The following CHRM3 variants were observed in gnomAD, a reference collection of about 807,000 sequenced individuals.
CHRM3 encodes the protein cholinergic receptor muscarinic 3.
In CHRM3, 11 loss-of-function variants were observed where a neutral mutation model predicts 41.8. The observed-to-expected ratio is 0.26, with a 90% CI of 0.17 to 0.44. The LOEUF is 0.44. Among genes scored for constraint, CHRM3 ranks in the 20% least tolerant of loss-of-function variants. The pLI is 1.00. For synonymous variants in CHRM3, 297 were observed against 301.4 expected (o/e 0.99, Z 0.15); for missense variants, 571 against 745.4 (o/e 0.77, Z 2.72).
intron 5 of CHRM3, among the ~76,000 whole-genome samples, chr1:239,711,835 C>T (rs779534973): frequency 9.2e-5 from 14 of 151,958 alleles, no homozygotes; most frequent in South Asian, 4.2e-4. Context: ...ACTGCAGGCA[C>T]GCACCACCAT....
chr1:239,914,255 A>G lies in CHRM3; in HGVS notation c.*5031A>G, dbSNP rs1481493853. ...ATTCTGTGAGTTCCTTGATGATAGTAATTGGGTCTTATTCATCACTCTGTA... is the reference window on the plus strand; with the variant it reads ...ATTCTGTGAGTTCCTTGATGATAGTGATTGGGTCTTATTCATCACTCTGTA... On this transcript the variant is annotated 3_prime_UTR_variant, in exon 7 of 7. Transcript: ENST00000676153. 10 of 167,068 alleles carry G rather than the reference A, an allele frequency of 6.0e-5. No homozygotes were observed. The allele number at this position is 167,068 out of a possible 1,614,324, so 10.3% of individuals were successfully genotyped here.
intron 2 of CHRM3, among the ~76,000 whole-genome samples, chr1:239,543,571 G>T (rs921421086): frequency 4.6e-5 from 7 of 151,134 alleles, no homozygotes; most frequent in African/African-American, 1.7e-4. Context: ...GCAGTGGTGC[G>T]ATCTCAGCTC....
intron 1 of CHRM3, among the ~76,000 whole-genome samples, chr1:239,477,193 G>T (rs1230551675): frequency 6.6e-6 from 1 of 152,180 alleles, no homozygotes; most frequent in African/African-American, 2.4e-5. Context: ...CTTTTTAGCT[G>T]TATGAAGTGA....
At chr1:239,469,649 C>T (rs559523621) in intron 1 of CHRM3, among the ~76,000 whole-genome samples, 5 of 152,174 alleles carry the variant, frequency 3.3e-5, no homozygotes, top group African/African-American at 7.2e-5. Flanking sequence ...CTCTGCCTCC[C>T]GAGTTCAAGC....
chr1:239,589,413 T>C (rs2148627586), intron 3 of CHRM3, among the ~76,000 whole-genome samples: 1 of 151,582 alleles, frequency 6.6e-6, no homozygotes, highest in East Asian at 2.0e-4. Flanking sequence ...TTACAAGCAC[T>C]GTTCATGAAA....
chr1:239,435,275 C>A (rs1237741685), intron 1 of CHRM3, among the ~76,000 whole-genome samples: 3 of 151,912 alleles, frequency 2.0e-5, no homozygotes, highest in Non-Finnish European at 4.4e-5. Flanking sequence ...TATCATGAAA[C>A]CCCGTCTCTA....
At chr1:239,784,638 TTA>T (rs961343902) in intron 5 of CHRM3, among the ~76,000 whole-genome samples, 2 of 152,214 alleles carry the variant, frequency 1.3e-5, no homozygotes, top group African/African-American at 4.8e-5. Context: ...GAACAAAATG[TTA>T]TATGTTAGAT....
chr1:239,455,917 A>C (rs1664896857), intron 1 of CHRM3, among the ~76,000 whole-genome samples: 1 of 152,186 alleles, frequency 6.6e-6, no homozygotes, highest in African/African-American at 2.4e-5. Flanking sequence ...AGTCACTGGG[A>C]TGACAAGCAT....
intron 5 of CHRM3, among the ~76,000 whole-genome samples, chr1:239,783,691 G>T (rs921522233): frequency 6.6e-6 from 1 of 152,158 alleles, no homozygotes; most frequent in Non-Finnish European, 1.5e-5. Flanking sequence ...TGCAAGATAA[G>T]ATAGATTTGT....
intron 1 of CHRM3, among the ~76,000 whole-genome samples, chr1:239,483,348 T>C (rs150868877): frequency 2.0e-5 from 3 of 152,330 alleles, no homozygotes; most frequent in African/African-American, 7.2e-5. Context: ...GTAGCTTCTG[T>C]AAAATTAGCT....
intron 1 of CHRM3, among the ~76,000 whole-genome samples, chr1:239,397,402 G>A (rs1659578209): frequency 6.6e-6 from 1 of 152,032 alleles, no homozygotes; most frequent in Admixed American, 6.6e-5. Context: ...GCCGGGTGTG[G>A]TGGCTCACGC....
intron 5 of CHRM3, chr1:239,826,939 C>T (rs1007942424): frequency 6.6e-6 from 1 of 152,076 alleles, no homozygotes; most frequent in Non-Finnish European, 1.5e-5. Context: ...CAAAAAGCAA[C>T]ATATGGAGAA....
intron 4 of CHRM3, among the ~76,000 whole-genome samples, chr1:239,665,126 A>C (rs1182676283): frequency 7.0e-6 from 1 of 143,236 alleles, no homozygotes; most frequent in Non-Finnish European, 1.5e-5. Context: ...CTGATTTCTT[A>C]TGCTGGCATT....
chr1:239,445,400 G>A (rs1226271180), intron 1 of CHRM3, among the ~76,000 whole-genome samples: 1 of 152,164 alleles, frequency 6.6e-6, no homozygotes, highest in Admixed American at 6.5e-5. Flanking sequence ...TCAGGACTCA[G>A]GCATCTGGGC....
At chr1:239,826,288 A>T (rs953707270) in intron 5 of CHRM3, among the ~76,000 whole-genome samples, 6 of 152,180 alleles carry the variant, frequency 3.9e-5, no homozygotes, top group Non-Finnish European at 7.3e-5. Flanking sequence ...TTGTAAGGAA[A>T]TTAAGAGATG....
In CHRM3 at chr1:239,908,031, G is replaced by T; in HGVS notation, c.580G>T (p.Val194Phe). Reference protein sequence around the residue: ...RAGVMIGLAWVISFVLWAPAI... With the variant: ...RAGVMIGLAWFISFVLWAPAI... ...CGGTGTGATGATCGGTCTGGCTTGGGTCATCTCCTTTGTCCTTTGGGCTCC... is the reference window on the plus strand; with the variant it reads ...CGGTGTGATGATCGGTCTGGCTTGGTTCATCTCCTTTGTCCTTTGGGCTCC... The change falls in exon 7 of 7, where the codon GTC becomes TTC. Residue 194 changes from valine (V) to phenylalanine (F), a missense_variant. By Grantham distance (50) the Val-to-Phe change is conservative (BLOSUM62 -1). This residue lies in a region of CHRM3 where 153 missense variants were observed against 296.3 expected (regional missense o/e 0.52). Transcript: ENST00000676153. This position sits in a 1 kb window ranked among gnomAD's most constrained non-coding sequence, Gnocchi z 7.2. 6.2e-7 allele frequency: 1 copy of T among 1,614,186 alleles called. No homozygotes were observed. Among genetic ancestry groups the T allele is most frequent in the Non-Finnish European group, 8.5e-7 (1 of 1,180,048 alleles).
intron 6 of CHRM3, among the ~76,000 whole-genome samples, chr1:239,841,383 G>C (rs759908472): frequency 2.6e-4 from 39 of 152,100 alleles, no homozygotes; most frequent in Non-Finnish European, 4.4e-4. Flanking sequence ...GCAGAATTAC[G>C]TTCGTTACCA....
At chr1:239,421,751 A>G (rs964690364) in intron 1 of CHRM3, among the ~76,000 whole-genome samples, 1 of 152,194 alleles carries the variant, frequency 6.6e-6, no homozygotes, top group Admixed American at 6.5e-5. Context: ...GGAATGCTTC[A>G]TCTCTACTGT....
chr1:239,819,768 G>A (rs1671884106), intron 5 of CHRM3, among the ~76,000 whole-genome samples: 2 of 152,188 alleles, frequency 1.3e-5, no homozygotes, highest in African/African-American at 4.8e-5. Flanking sequence ...GTTATTTGTA[G>A]TGAGGCTTGA....
Sources: gnomAD v4.1 joint callset for allele counts (sites outside exome capture counted in the v4.1 genomes callset) on GRCh38, gnomAD v4.1.1 for gene constraint, gnomAD v4.1.1 regional missense constraint, Gnocchi (gnomAD v3.1) non-coding constraint, MANE v1.5 for transcripts, NCBI Gene and HGNC (gene_info 2026-07-23, HGNC 2026-07-21) for gene names.